AGMO: variants seen among roughly 807,000 people sequenced by gnomAD.
The protein encoded by AGMO is glyceryl-ether monooxygenase.
In AGMO, 75 loss-of-function variants were observed where a neutral mutation model predicts 60.2. The ratio of observed to expected loss-of-function variants is 1.25; its 90% CI spans 1.03 to 1.51. AGMO has a LOEUF of 1.51. AGMO is among the 40% of genes most tolerant of loss of function. The pLI, the probability that AGMO is intolerant of heterozygous loss-of-function variation, is 0.00. For missense variants in AGMO, 763 were observed against 525.5 expected (o/e 1.45, Z -4.42); for synonymous variants, 261 against 177.1 (o/e 1.47, Z -3.76).
At chr7:15,527,721 G>C (rs1354875175) in intron 3 of AGMO, among the ~76,000 whole-genome samples, 1 of 152,140 alleles carries the variant, frequency 6.6e-6, no homozygotes, top group Non-Finnish European at 1.5e-5. Flanking sequence ...TCAAAGAACA[G>C]GCTGACTCTC....
the AGMO span, among the ~76,000 whole-genome samples, chr7:15,132,160 A>C: frequency 6.6e-6 from 1 of 152,152 alleles, no homozygotes; most frequent in Admixed American, 6.6e-5. Flanking sequence ...TCAAATGAAA[A>C]TTACAAGAAG....
At chr7:15,290,241 C>A (rs993292086) in intron 12 of AGMO, among the ~76,000 whole-genome samples, 2 of 151,968 alleles carry the variant, frequency 1.3e-5, no homozygotes, top group South Asian at 2.1e-4. Flanking sequence ...ATTGGTCAGG[C>A]TGGTCTCGAA....
At chr7:15,185,008 C>T in the AGMO span, among the ~76,000 whole-genome samples, 1 of 152,130 alleles carries the variant, frequency 6.6e-6, no homozygotes, top group South Asian at 2.1e-4. Context: ...TTTTGTTGTG[C>T]AAGTACATTT....
the AGMO span, among the ~76,000 whole-genome samples, chr7:15,133,772 G>A: frequency 6.6e-6 from 1 of 152,100 alleles, no homozygotes; most frequent in African/African-American, 2.4e-5. Flanking sequence ...CACAACCCAG[G>A]TGAGAGTTGG....
chr7:15,129,014 G>T, the AGMO span, among the ~76,000 whole-genome samples: 1 of 152,042 alleles, frequency 6.6e-6, no homozygotes, highest in Non-Finnish European at 1.5e-5. Flanking sequence ...GTTTGAATGC[G>T]GGTGGTGGTG....
chr7:15,512,880 A>G (rs992938310), intron 3 of AGMO, among the ~76,000 whole-genome samples: 16 of 151,802 alleles, frequency 1.1e-4, no homozygotes, highest in African/African-American at 3.9e-4. Flanking sequence ...AGTTTCTTTC[A>G]ATCTACTATT....
At chr7:15,213,373 T>A (rs994679101) in intron 12 of AGMO, among the ~76,000 whole-genome samples, 1 of 151,672 alleles carries the variant, frequency 6.6e-6, no homozygotes, top group Non-Finnish European at 1.5e-5. Flanking sequence ...AGGGTAGAAA[T>A]AGAAAATCTC....
chr7:15,342,704 GA>G (rs1386383487), intron 12 of AGMO, among the ~76,000 whole-genome samples: 1 of 135,674 alleles, frequency 7.4e-6, no homozygotes, highest in Non-Finnish European at 1.5e-5. Flanking sequence ...TTTAGAAAAG[GA>G]ACTGTCATCT....
At chr7:15,292,433 A>G (rs1306220083) in intron 12 of AGMO, among the ~76,000 whole-genome samples, 2 of 152,202 alleles carry the variant, frequency 1.3e-5, no homozygotes, top group Non-Finnish European at 2.9e-5. Flanking sequence ...AGGAAAACGT[A>G]AGATTGGTTC....
chr7:15,437,706 T>C (rs989616208), intron 3 of AGMO, among the ~76,000 whole-genome samples: 2 of 151,928 alleles, frequency 1.3e-5, no homozygotes, highest in African/African-American at 2.4e-5. Context: ...GGCTAATTTT[T>C]TGTTTTTGTA....
At chr7:15,537,427 C>T (rs916667100) in intron 3 of AGMO, among the ~76,000 whole-genome samples, 1 of 152,034 alleles carries the variant, frequency 6.6e-6, no homozygotes, top group Non-Finnish European at 1.5e-5. Flanking sequence ...AAAAACACGG[C>T]ATATTTTGTG....
At chr7:15,188,832 G>C in the AGMO span, among the ~76,000 whole-genome samples, 1 of 152,164 alleles carries the variant, frequency 6.6e-6, no homozygotes, top group Non-Finnish European at 1.5e-5. Flanking sequence ...CTGATCGTTG[G>C]AGTTAACATC....
At chr7:15,274,843 G>C (rs1039302323) in intron 12 of AGMO, among the ~76,000 whole-genome samples, 5 of 152,000 alleles carry the variant, frequency 3.3e-5, no homozygotes, top group South Asian at 2.1e-4. Context: ...TGTGCACATA[G>C]AGATGTTTAT....
intron 12 of AGMO, among the ~76,000 whole-genome samples, chr7:15,337,982 G>A (rs1240763006): frequency 1.3e-5 from 2 of 152,132 alleles, no homozygotes; most frequent in African/African-American, 2.4e-5. Context: ...ATTAAGCAGT[G>A]ACTTTGGACA....
intron 12 of AGMO, among the ~76,000 whole-genome samples, chr7:15,305,014 T>C (rs1260723672): frequency 6.6e-6 from 1 of 151,930 alleles, no homozygotes; most frequent in Non-Finnish European, 1.5e-5. Context: ...TGACATTGAG[T>C]AGTTAAAATC....
intron 12 of AGMO, among the ~76,000 whole-genome samples, chr7:15,312,379 A>C (rs144305529): frequency 1.2e-3 from 186 of 152,266 alleles, no homozygotes; most frequent in African/African-American, 3.9e-3. Flanking sequence ...TTGCCAGAAC[A>C]AGGGGAAAAT....
At chr7:15,306,095 CAG>C in intron 12 of AGMO, 1 of 152,338 alleles carries the variant, frequency 6.6e-6, no homozygotes. Flanking sequence ...TAAAGGCTAA[CAG>C]ATTGCATCCT....
chr7:15,167,855 A>G, the AGMO span, among the ~76,000 whole-genome samples: 26 of 152,330 alleles, frequency 1.7e-4, no homozygotes, highest in East Asian at 4.2e-3. Context: ...TGTGTCCTCA[A>G]GGAACACTTC....
In AGMO at chr7:15,407,080, A is replaced by G. The variant is rs574788498; in HGVS notation, c.609+11478T>C. Among the ~76,000 whole-genome samples, 49 of 145,336 alleles carry G rather than the reference A, an allele frequency of 3.4e-4. 1 individual carries two copies. The South Asian group carries it at 8.2e-3, about 24-fold the overall frequency. On this transcript the variant is annotated intron_variant, in intron 5 of 12. Coordinates refer to ENST00000342526, the MANE Select transcript of AGMO (RefSeq NM_001004320.2). ...ACATATATATGTATTCCATATGTGT[A>G]TATATACACATATATACATATATGT... is the stretch of plus-strand genomic sequence containing the variant.
Sources: allele counts gnomAD v4.1 joint callset (sites outside exome capture counted in the v4.1 genomes callset), GRCh38; gene constraint gnomAD v4.1.1; transcripts MANE v1.5; gene names NCBI Gene and HGNC (gene_info 2026-07-23, HGNC 2026-07-21).